Variants in TNN observed in about 807,000 individuals in gnomAD.
TNN encodes the protein tenascin N, also known as tenascin-N.
Under a neutral mutation model 134.4 loss-of-function variants are expected in TNN, and 122 were observed. The ratio of observed to expected loss-of-function variants is 0.91; its 90% confidence interval spans 0.78 to 1.06. The LOEUF (loss-of-function observed/expected upper bound fraction) is 1.06. Among genes scored for constraint, TNN ranks in the 50% least tolerant of loss-of-function variants. The probability of loss-of-function intolerance (pLI) is 0.00; values close to 1 mark genes in which losing one functional copy is unlikely to be tolerated. For missense variants in TNN, 1,739 were observed against 1,699.4 expected (o/e 1.02, Z -0.41); for synonymous variants, 710 against 670.3 (o/e 1.06, Z -0.91).
At chr1:175,121,302 G>A (rs576125147) in intron 11 of TNN, among the ~76,000 whole-genome samples, 11 of 152,302 alleles carry the variant, frequency 7.2e-5, no homozygotes, top group African/African-American at 2.2e-4. Context: ...TCTGGCAAAC[G>A]GAAGAGTATG....
intron 17 of TNN, among the ~76,000 whole-genome samples, chr1:175,142,429 G>A (rs1675962286): frequency 6.6e-6 from 1 of 150,800 alleles, no homozygotes; most frequent in African/African-American, 2.4e-5. Flanking sequence ...CCAAGCATGT[G>A]CTGCTCCACA....
chr1:175,124,973 C>T (rs1675470810), intron 12 of TNN, among the ~76,000 whole-genome samples: 1 of 152,222 alleles, frequency 6.6e-6, no homozygotes. Flanking sequence ...CTAAGACAGA[C>T]ATCTCAAGTC....
rs190391052 is a variant in TNN, at chr1:175,094,989, A to C, written c.1588+736A>C. On this transcript the variant is annotated intron_variant, in intron 7 of 18. Coordinates refer to ENST00000239462, the MANE Select transcript of TNN (RefSeq NM_022093.2). ...TCAGAGAAGCAGAGAGATGGTTAGG[A>C]ATATGGTTTCAGAAAATTGACTGTC... Among the ~76,000 whole-genome samples, 125 of 152,298 alleles carry C rather than the reference A, an allele frequency of 8.2e-4. 1 individual carries two copies. The highest frequency in any genetic ancestry group is 2.9e-3 in the African/African-American group (121 of 41,570).
At chr1:175,074,899 G>T (rs1253422594) in intron 1 of TNN, among the ~76,000 whole-genome samples, 1 of 152,238 alleles carries the variant, frequency 6.6e-6, no homozygotes, top group Non-Finnish European at 1.5e-5. Context: ...AATCAGATGG[G>T]TCTGCGTTTG....
intron 9 of TNN, among the ~76,000 whole-genome samples, chr1:175,104,394 C>G (rs1674800873): frequency 1.4e-5 from 2 of 145,958 alleles, no homozygotes; most frequent in Admixed American, 1.4e-4. Context: ...AACCTTCATC[C>G]TCTGGGGCAG....
At chr1:175,138,144 C>T (rs577683192) in intron 17 of TNN, among the ~76,000 whole-genome samples, 3 of 152,230 alleles carry the variant, frequency 2.0e-5, no homozygotes, top group Admixed American at 1.3e-4. Flanking sequence ...ACTCAAGGAC[C>T]CCTGATGGCA....
At chr1:175,112,098 C>T (rs1431107552) in intron 9 of TNN, among the ~76,000 whole-genome samples, 4 of 152,084 alleles carry the variant, frequency 2.6e-5, no homozygotes, top group Middle Eastern at 3.4e-3. Flanking sequence ...TTCAGTTTTT[C>T]CCCAATCAGT....
At chr1:175,089,108 A>G (rs945956789) in intron 6 of TNN, among the ~76,000 whole-genome samples, 2 of 152,232 alleles carry the variant, frequency 1.3e-5, no homozygotes, top group African/African-American at 4.8e-5. Context: ...AAAGAAAAAG[A>G]CACTGTAATT....
At chr1:175,136,642 T>C (rs2072038) in intron 16 of TNN, among the ~76,000 whole-genome samples, 179 bp from the exon 17 acceptor site, 31,072 of 152,106 alleles carry the variant, frequency 0.2, 3,252 homozygotes, top group African/African-American at 0.25. Context: ...AATGTGGTCT[T>C]CGCACTCCTT....
chr1:175,098,631 G>A (rs1574151969), intron 9 of TNN, 36 bp downstream of exon 9: 1 of 1,613,386 alleles, frequency 6.2e-7, no homozygotes, highest in Non-Finnish European at 8.5e-7. Flanking sequence ...CCGATGCCAT[G>A]CTCAGGGTCT....
chr1:175,129,217 A>G (rs1675615764), intron 15 of TNN, among the ~76,000 whole-genome samples: 1 of 152,204 alleles, frequency 6.6e-6, no homozygotes, highest in Admixed American at 6.5e-5. Context: ...AATCAATATT[A>G]TTATATTTAA....
At chr1:175,137,102 G>C in intron 17 of TNN, 114 bp downstream of exon 17, 1 of 1,151,282 alleles carries the variant, frequency 8.7e-7, no homozygotes, top group Non-Finnish European at 1.2e-6. Context: ...GAGGTGAATT[G>C]TTCTCATTGA....
intron 15 of TNN, among the ~76,000 whole-genome samples, chr1:175,132,155 C>G (rs1675692731): frequency 6.6e-6 from 1 of 152,042 alleles, no homozygotes; most frequent in African/African-American, 2.4e-5. Context: ...CTTGGTACAA[C>G]AAGAGTCCCA....
rs1352381148 is a variant in TNN at position 175,107,361 on chromosome 1, T to C, written c.2119+8766T>C. Among the ~76,000 whole-genome samples, 6 of 142,514 alleles carry C rather than the reference T, an allele frequency of 4.2e-5. 1 individual carries two copies. The highest frequency in any genetic ancestry group is 9.3e-5 in the Non-Finnish European group (6 of 64,626). 93.5% of individuals were successfully genotyped at this position (142,514 alleles called of 152,430 possible). ...GTCTGTCCCTTCTGATGTTCTGATG[T>C]GTTCGGAGTTTCTTCCTTCTGGTGG... On this transcript the variant is annotated intron_variant, in intron 9 of 18. Transcript: ENST00000239462.
At chr1:175,110,303 C>A (rs1674987581) in intron 9 of TNN, among the ~76,000 whole-genome samples, 1 of 152,224 alleles carries the variant, frequency 6.6e-6, no homozygotes, top group Non-Finnish European at 1.5e-5. Flanking sequence ...CAAATAGTTT[C>A]TCCCATTATG....
intron 10 of TNN, 108 bp downstream of exon 10, chr1:175,117,313 G>A: frequency 6.4e-7 from 1 of 1,552,414 alleles, no homozygotes; most frequent in Non-Finnish European, 8.7e-7. Context: ...ATTAATGGAA[G>A]AGTGGGATGG....
intron 11 of TNN, among the ~76,000 whole-genome samples, chr1:175,119,701 C>A (rs899464874): frequency 3.5e-5 from 5 of 141,618 alleles, no homozygotes; most frequent in African/African-American, 1.1e-4. Context: ...GTGGCGCTAT[C>A]TCGGCTCACT....
Position 175,116,218 on chromosome 1 carries a change from C to CT in TNN, c.2120-713dup, listed in dbSNP as rs201339542. 9.3e-3 allele frequency among the ~76,000 whole-genome samples: 1,411 copies of CT among 151,974 alleles called. 25 individuals carry two copies. Among genetic ancestry groups the CT allele is most frequent in the African/African-American group, 0.03 (1,245 of 41,420 alleles). On this transcript the variant is annotated intron_variant, in intron 9 of 18. Coordinates refer to ENST00000239462, the MANE Select transcript of TNN (RefSeq NM_022093.2). Reference sequence around the variant, plus strand: ...ATGTACTAATATTATTTTTCCCTGCCTTTTTTTTCTTGTGGAGAAAATTGA... The same window carrying CT: ...ATGTACTAATATTATTTTTCCCTGCCTTTTTTTTTCTTGTGGAGAAAATTGA...
At chr1:175,132,878 G>A (rs1379380155) in intron 15 of TNN, among the ~76,000 whole-genome samples, 1 of 152,226 alleles carries the variant, frequency 6.6e-6, no homozygotes, top group Non-Finnish European at 1.5e-5. Flanking sequence ...TTGCTGCAGG[G>A]TAACCTACTC....
Sources: gnomAD v4.1 joint callset for allele counts (sites outside exome capture counted in the v4.1 genomes callset) on GRCh38, gnomAD v4.1.1 for gene constraint, MANE v1.5 for transcripts, NCBI Gene and HGNC (gene_info 2026-07-23, HGNC 2026-07-21) for gene names.